The following ICA1 variants were observed in gnomAD, a reference collection of about 807,000 sequenced individuals.
ICA1 encodes the protein 69 kDa islet cell autoantigen.
In ICA1, 40 loss-of-function variants were observed where a neutral mutation model predicts 71.0. That is an observed-to-expected ratio of 0.56 (90% CI 0.44 to 0.73). The LOEUF (loss-of-function observed/expected upper bound fraction) is 0.73, where lower values mean the gene tolerates loss of function less well. Ranked by LOEUF, ICA1 falls within the 30% of genes least tolerant of loss-of-function variation. The pLI is 0.00. For missense variants in ICA1, 578 were observed against 576.5 expected (o/e 1.00, Z -0.03); for synonymous variants, 207 against 209.5 (o/e 0.99, Z 0.10).
chr7:8,243,575 G>A (rs1804790106), intron 1 of ICA1, among the ~76,000 whole-genome samples: 1 of 152,242 alleles, frequency 6.6e-6, no homozygotes, highest in African/African-American at 2.4e-5. Context: ...AGGGCAATCA[G>A]GCAAGAGAAA....
chr7:8,140,966 C>G, intron 10 of ICA1, among the ~76,000 whole-genome samples: 1 of 152,192 alleles, frequency 6.6e-6, no homozygotes. Context: ...GGAAGAGATG[C>G]ATATGTCCCC....
intron 1 of ICA1, among the ~76,000 whole-genome samples, chr7:8,255,595 C>T (rs1215565791): frequency 1.3e-5 from 2 of 152,154 alleles, no homozygotes; most frequent in African/African-American, 4.8e-5. Flanking sequence ...GCACCAGATC[C>T]ACATTTCCAC....
chr7:8,161,540 T>C (rs1285566533), intron 6 of ICA1, among the ~76,000 whole-genome samples: 2 of 152,216 alleles, frequency 1.3e-5, no homozygotes, highest in Non-Finnish European at 2.9e-5. Flanking sequence ...GTAATGAAAC[T>C]GTAAGCTTGA....
intron 6 of ICA1, among the ~76,000 whole-genome samples, chr7:8,162,852 C>T (rs1804403361): frequency 1.3e-5 from 2 of 152,308 alleles, no homozygotes; most frequent in South Asian, 4.1e-4. Flanking sequence ...CAACCGCTGC[C>T]TCCTGGGTTC....
intron 8 of ICA1, among the ~76,000 whole-genome samples, chr7:8,152,053 C>T (rs1798988744): frequency 6.6e-6 from 1 of 152,152 alleles, no homozygotes; most frequent in Non-Finnish European, 1.5e-5. Flanking sequence ...TACTGCCTTT[C>T]CTGCCTGCCG....
chr7:8,124,462 A>G (rs1788365201), intron 13 of ICA1, among the ~76,000 whole-genome samples: 1 of 151,954 alleles, frequency 6.6e-6, no homozygotes, highest in African/African-American at 2.4e-5. Context: ...GTGAAAAAAA[A>G]AAAAAAAACT....
At chr7:8,228,280 G>A (rs1284705880) in intron 4 of ICA1, among the ~76,000 whole-genome samples, 3 of 147,142 alleles carry the variant, frequency 2.0e-5, no homozygotes, top group Non-Finnish European at 4.4e-5. Flanking sequence ...ATATCAGAGA[G>A]TGAAGATAAT....
At chr7:8,157,366 CTG>C (rs1802009988) in intron 7 of ICA1, 152 bp from the exon 8 acceptor site, 1 of 774,188 alleles carries the variant, frequency 1.3e-6, no homozygotes, top group Admixed American at 3.3e-5. Context: ...CAATTACACT[CTG>C]TATTTCAGCC....
At chr7:8,242,599 C>T (rs545189593) in intron 1 of ICA1, among the ~76,000 whole-genome samples, 1 of 151,512 alleles carries the variant, frequency 6.6e-6, no homozygotes, top group East Asian at 1.9e-4. Flanking sequence ...ACACAAAAAA[C>T]CCTTCAAAAA....
At chr7:8,120,551 T>A (rs1051969307) in intron 13 of ICA1, among the ~76,000 whole-genome samples, 2 of 152,178 alleles carry the variant, frequency 1.3e-5, no homozygotes, top group East Asian at 3.8e-4. Flanking sequence ...GCTGAGGCAT[T>A]TTTAACATGA....
chr7:8,250,186 T>A (rs1353829617), intron 1 of ICA1, among the ~76,000 whole-genome samples: 1 of 152,234 alleles, frequency 6.6e-6, no homozygotes, highest in Admixed American at 6.5e-5. Flanking sequence ...TTTTCCTAGA[T>A]GTTTGTCTCT....
chr7:8,170,319 T>C (rs1455473366), intron 6 of ICA1, among the ~76,000 whole-genome samples: 1 of 152,028 alleles, frequency 6.6e-6, no homozygotes, highest in Non-Finnish European at 1.5e-5. Flanking sequence ...GTTTTGCCCA[T>C]TCCAGGTACA....
intron 1 of ICA1, among the ~76,000 whole-genome samples, chr7:8,245,110 C>T (rs993962665): frequency 9.2e-5 from 14 of 152,132 alleles, no homozygotes; most frequent in African/African-American, 1.7e-4. Flanking sequence ...CACATGCACA[C>T]GTATGTTTAC....
intron 7 of ICA1, chr7:8,158,281 T>C (rs1159344989): frequency 4.4e-6 from 2 of 457,988 alleles, no homozygotes; most frequent in Non-Finnish European, 7.7e-6. Flanking sequence ...AGAAAGGCAC[T>C]CCAGGTAGAA....
intron 2 of ICA1, among the ~76,000 whole-genome samples, chr7:8,233,742 A>C (rs1800982363): frequency 6.6e-6 from 1 of 152,088 alleles, no homozygotes; most frequent in Non-Finnish European, 1.5e-5. Context: ...CCTAAAATTT[A>C]AGACGGTTGA....
intron 1 of ICA1, among the ~76,000 whole-genome samples, chr7:8,252,154 T>C (rs183438610): frequency 1.5e-4 from 23 of 152,326 alleles, no homozygotes; most frequent in Admixed American, 3.9e-4. Context: ...TTTAGTTTGG[T>C]TTACATAAAT....
intron 6 of ICA1, among the ~76,000 whole-genome samples, chr7:8,172,304 T>C (rs7784659): frequency 0.41 from 62,583 of 151,920 alleles, 15,229 homozygotes; most frequent in South Asian, 0.54. Flanking sequence ...TTTTTATAAA[T>C]TGACCCTATT....
intron 13 of ICA1, among the ~76,000 whole-genome samples, chr7:8,116,719 T>G (rs1332195883): frequency 6.6e-6 from 1 of 152,160 alleles, no homozygotes; most frequent in African/African-American, 2.4e-5. Flanking sequence ...CACCATTAAA[T>G]GAAGCAATAG....
intron 6 of ICA1, among the ~76,000 whole-genome samples, chr7:8,174,337 A>G (rs963908061): frequency 6.6e-6 from 1 of 152,196 alleles, no homozygotes; most frequent in African/African-American, 2.4e-5. Context: ...ATGACAATAT[A>G]AATAGTTGTA....
Sources: gnomAD v4.1 joint callset for allele counts (sites outside exome capture counted in the v4.1 genomes callset) on GRCh38, gnomAD v4.1.1 for gene constraint, MANE v1.5 for transcripts, NCBI Gene and HGNC (gene_info 2026-07-23, HGNC 2026-07-21) for gene names.